DNER: variants seen among roughly 807,000 people sequenced by gnomAD.
DNER encodes delta/notch like EGF repeat containing, also known as delta and Notch-like epidermal growth factor-related receptor.
A neutral mutation model predicts 78.2 loss-of-function variants in DNER; 33 were observed. The observed-to-expected ratio is 0.42, with a 90% confidence interval of 0.32 to 0.56. The LOEUF is 0.56. Ranked by LOEUF, DNER falls within the 20% of genes least tolerant of loss-of-function variation. The pLI, the probability that DNER is intolerant of heterozygous loss-of-function variation, is 0.11. For synonymous variants in DNER, 417 were observed against 384.8 expected (o/e 1.08, Z -0.98); for missense variants, 918 against 975.3 (o/e 0.94, Z 0.78).
At chr2:229,690,851 G>A (rs189138802) in intron 1 of DNER, among the ~76,000 whole-genome samples, 40 of 152,252 alleles carry the variant, frequency 2.6e-4, no homozygotes, top group Non-Finnish European at 5.0e-4. Flanking sequence ...TGTAGATCTT[G>A]GAACTAATAT....
intron 7 of DNER, among the ~76,000 whole-genome samples, chr2:229,472,031 G>A (rs949898205): frequency 2.0e-5 from 3 of 152,160 alleles, no homozygotes; most frequent in African/African-American, 4.8e-5. Context: ...ATGTCTGACA[G>A]CAAAATCCAA....
intron 5 of DNER, among the ~76,000 whole-genome samples, chr2:229,544,053 T>G (rs886636742): frequency 6.8e-6 from 1 of 147,254 alleles, no homozygotes; most frequent in Admixed American, 6.7e-5. Flanking sequence ...TACTTAATTC[T>G]AAAAATTGAA....
chr2:229,435,649 C>T (rs566909240), intron 8 of DNER, among the ~76,000 whole-genome samples: 1 of 152,256 alleles, frequency 6.6e-6, no homozygotes, highest in South Asian at 2.1e-4. Flanking sequence ...TTAGTTTAGA[C>T]CTACTTTAAT....
intron 6 of DNER, among the ~76,000 whole-genome samples, chr2:229,478,460 C>G (rs770106897): frequency 1.3e-4 from 20 of 152,182 alleles, no homozygotes; most frequent in Non-Finnish European, 2.6e-4. Context: ...TACTCACAGG[C>G]ATTCAAGCCG....
chr2:229,603,524 A>C (rs1697874083), intron 1 of DNER, among the ~76,000 whole-genome samples: 1 of 152,256 alleles, frequency 6.6e-6, no homozygotes, highest in African/African-American at 2.4e-5. Flanking sequence ...AACAAGTAGA[A>C]CAAATTCCCC....
chr2:229,710,860 T>G (rs780665120), intron 1 of DNER, among the ~76,000 whole-genome samples: 1 of 152,002 alleles, frequency 6.6e-6, no homozygotes, highest in Non-Finnish European at 1.5e-5. Context: ...GCTCAGTGAT[T>G]TACAGCACTT....
At chr2:229,520,526 G>T (rs778563530) in intron 5 of DNER, among the ~76,000 whole-genome samples, 22 of 152,214 alleles carry the variant, frequency 1.4e-4, no homozygotes, top group Non-Finnish European at 2.4e-4. Context: ...CTAATGAGTT[G>T]ATAATGGTTG....
chr2:229,550,637 A>C (rs989967745), intron 4 of DNER, among the ~76,000 whole-genome samples: 2 of 152,062 alleles, frequency 1.3e-5, no homozygotes, highest in African/African-American at 4.8e-5. Context: ...TTAGCCAGGC[A>C]TGGTGGTGTG....
intron 4 of DNER, among the ~76,000 whole-genome samples, chr2:229,567,463 C>A (rs1006582493): frequency 6.6e-6 from 1 of 152,140 alleles, no homozygotes. Context: ...CAAATATGGG[C>A]ATACAAGAGA....
chr2:229,683,037 C>G (rs767892622), intron 1 of DNER, among the ~76,000 whole-genome samples: 2 of 152,152 alleles, frequency 1.3e-5, no homozygotes, highest in Non-Finnish European at 2.9e-5. Flanking sequence ...AATTATTTAA[C>G]ATATTAATTA....
chr2:229,415,789 G>C (rs1429798872), intron 9 of DNER, among the ~76,000 whole-genome samples: 3 of 152,120 alleles, frequency 2.0e-5, no homozygotes, highest in Non-Finnish European at 4.4e-5. Flanking sequence ...CAAACTCCTA[G>C]TCCTTTTCAT....
At chr2:229,386,469 A>G (rs1352897379) in intron 11 of DNER, among the ~76,000 whole-genome samples, 2 of 152,230 alleles carry the variant, frequency 1.3e-5, no homozygotes, top group Admixed American at 1.3e-4. Flanking sequence ...AAATTGACAA[A>G]TGAGATCTAA....
At chr2:229,645,878 G>C (rs1410414037) in intron 1 of DNER, among the ~76,000 whole-genome samples, 1 of 152,186 alleles carries the variant, frequency 6.6e-6, no homozygotes, top group Non-Finnish European at 1.5e-5. Flanking sequence ...TCAAGTGTAA[G>C]CAGAGCAGAC....
chr2:229,697,777 A>C (rs1222004682), intron 1 of DNER, among the ~76,000 whole-genome samples: 1 of 152,266 alleles, frequency 6.6e-6, no homozygotes, highest in African/African-American at 2.4e-5. Context: ...CTTCATCAGG[A>C]GAACCCATGA....
At chr2:229,450,526 A>G (rs1005568519) in intron 7 of DNER, among the ~76,000 whole-genome samples, 2 of 152,210 alleles carry the variant, frequency 1.3e-5, no homozygotes, top group Non-Finnish European at 2.9e-5. Context: ...CATATTTTGA[A>G]GCCCTAACTC....
chr2:229,695,663 A>G (rs1699651934), intron 1 of DNER, among the ~76,000 whole-genome samples: 1 of 152,198 alleles, frequency 6.6e-6, no homozygotes, highest in South Asian at 2.1e-4. Flanking sequence ...CAGTACTCAG[A>G]AATGACCAGT....
At chr2:229,508,729 A>C (rs1416657252) in intron 6 of DNER, among the ~76,000 whole-genome samples, 2 of 149,232 alleles carry the variant, frequency 1.3e-5, no homozygotes, top group Non-Finnish European at 2.9e-5. Flanking sequence ...AAAATACAAA[A>C]AATTAGCCGG....
At chr2:229,629,997 A>G (rs1413337895) in intron 1 of DNER, among the ~76,000 whole-genome samples, 3 of 152,236 alleles carry the variant, frequency 2.0e-5, no homozygotes, top group Non-Finnish European at 4.4e-5. Context: ...CTCTTTTAGC[A>G]ATCTCATCTA....
chr2:229,546,804 G>GATAGACAA, intron 5 of DNER, 143 bp downstream of exon 5: 5 of 822,718 alleles, frequency 6.1e-6, no homozygotes, highest in Non-Finnish European at 6.8e-6. Flanking sequence ...TAGATAGATA[G>GATAGACAA]ACAGACAGAC....
Sources: gnomAD v4.1 joint callset for allele counts (sites outside exome capture counted in the v4.1 genomes callset) on GRCh38, gnomAD v4.1.1 for gene constraint, MANE v1.5 for transcripts, NCBI Gene and HGNC (gene_info 2026-07-23, HGNC 2026-07-21) for gene names.